PLCH1: variants seen among roughly 807,000 people sequenced by gnomAD.
The protein encoded by PLCH1 is phospholipase C eta 1.
In PLCH1, 60 loss-of-function variants were observed where a neutral mutation model predicts 126.7. The observed-to-expected ratio is 0.47, with a 90% CI of 0.38 to 0.59. The LOEUF (loss-of-function observed/expected upper bound fraction) is 0.59, where lower values mean the gene tolerates loss of function less well. Ranked by LOEUF, PLCH1 falls within the 20% of genes least tolerant of loss-of-function variation. The pLI, the probability that PLCH1 is intolerant of heterozygous loss-of-function variation, is 0.00. For synonymous variants in PLCH1, 719 were observed against 734.9 expected (o/e 0.98, Z 0.35); for missense variants, 1,723 against 2,040.0 (o/e 0.84, Z 2.99).
At chr3:155,723,384 C>A (rs747418146) in intron 1 of PLCH1, among the ~76,000 whole-genome samples, 10 of 152,030 alleles carry the variant, frequency 6.6e-5, no homozygotes, top group Non-Finnish European at 1.5e-4. Flanking sequence ...GTTTCATTTA[C>A]CTTTTTTATT....
chr3:155,459,783 C>A (rs1712641640), intron 21 of PLCH1, among the ~76,000 whole-genome samples: 1 of 152,146 alleles, frequency 6.6e-6, no homozygotes, highest in South Asian at 2.1e-4. Context: ...CCATAATGAG[C>A]AGCATGGCCA....
chr3:155,546,496 T>G (rs1160153276), intron 10 of PLCH1, among the ~76,000 whole-genome samples: 5 of 152,094 alleles, frequency 3.3e-5, no homozygotes, highest in Non-Finnish European at 5.9e-5. Context: ...GCCATCCCCA[T>G]CAAGCTACCA....
chr3:155,693,398 G>C (rs1311887919), intron 2 of PLCH1, among the ~76,000 whole-genome samples: 1 of 35,958 alleles, frequency 2.8e-5, no homozygotes, highest in Non-Finnish European at 4.2e-5. Context: ...CCGGGAAGCG[G>C]AGCTTGCAGT....
intron 2 of PLCH1, among the ~76,000 whole-genome samples, chr3:155,697,092 G>A (rs1745880362): frequency 6.6e-6 from 1 of 152,166 alleles, no homozygotes; most frequent in Non-Finnish European, 1.5e-5. Context: ...AGTGGGTTCA[G>A]TTACTCAGAA....
At chr3:155,492,494 G>A (rs778013863) in intron 18 of PLCH1, among the ~76,000 whole-genome samples, 5 of 152,162 alleles carry the variant, frequency 3.3e-5, no homozygotes, top group Admixed American at 6.5e-5. Context: ...CAATGCTAGT[G>A]TCAACCTTAA....
rs138484759 is a variant in PLCH1, at chr3:155,732,652, C to T, written c.-41+12188G>A. ...TAGCACTTTGGGAAGCTGAGGCAGG[C>T]GAATCACCCGAGGTCAGGAGTTTGA... On this transcript the variant is annotated intron_variant, in intron 1 of 22. Transcript: ENST00000460012. 5.8e-3 allele frequency among the ~76,000 whole-genome samples: 877 copies of T among 151,646 alleles called. 3 individuals are homozygous for T. Among genetic ancestry groups the T allele is most frequent in the Middle Eastern group, 0.01 (3 of 292 alleles).
At chr3:155,687,264 C>G (rs914834485) in intron 2 of PLCH1, among the ~76,000 whole-genome samples, 1 of 152,052 alleles carries the variant, frequency 6.6e-6, no homozygotes, top group South Asian at 2.1e-4. Flanking sequence ...TTTTCTGCTT[C>G]AATAGTCCTC....
chr3:155,562,411 C>A (rs1486991259), intron 8 of PLCH1, among the ~76,000 whole-genome samples: 1 of 152,180 alleles, frequency 6.6e-6, no homozygotes, highest in Non-Finnish European at 1.5e-5. Context: ...ACTTCGCTTC[C>A]TTTCCTAGAA....
At chr3:155,582,117 T>C (rs550690523) in intron 6 of PLCH1, among the ~76,000 whole-genome samples, 1 of 131,084 alleles carries the variant, frequency 7.6e-6, no homozygotes, top group Non-Finnish European at 1.6e-5. Flanking sequence ...AGTCTCGCTC[T>C]GCCGCCCAGG....
chr3:155,636,871 T>C (rs1253038470), intron 2 of PLCH1, among the ~76,000 whole-genome samples: 1 of 152,004 alleles, frequency 6.6e-6, no homozygotes, highest in African/African-American at 2.4e-5. Flanking sequence ...TTGAAAAAAA[T>C]TAGAAAACTT....
At chr3:155,594,929 G>A (rs760956887) in intron 3 of PLCH1, among the ~76,000 whole-genome samples, 1 of 152,220 alleles carries the variant, frequency 6.6e-6, no homozygotes, top group African/African-American at 2.4e-5. Flanking sequence ...AAAGGAAAAA[G>A]AATTTCTGAC....
At chr3:155,496,613 C>G (rs1235002530) in intron 15 of PLCH1, among the ~76,000 whole-genome samples, 2 of 152,068 alleles carry the variant, frequency 1.3e-5, no homozygotes, top group Non-Finnish European at 2.9e-5. Context: ...TTTGGAGGTC[C>G]TGATTTACAT....
rs144809004 is a variant in PLCH1, at chr3:155,564,989, C to G, written c.995G>C (p.Gly332Ala). The G allele has an allele frequency of 1.1e-5, 17 of 1,613,730 alleles. No individual in the cohort carries two copies. The African/African-American group carries it at 2.0e-4, about 19-fold the overall frequency. ...TTTGGACTGAGAAAGGAGCTGGTCT[C>G]CAGTCAGGTATGTATTGTGAGAGGA... ...IASSHNTYLT[G>A]DQLLSQSKVD... is the part of the protein sequence containing the mutation. Residue 332 changes from glycine (G) to alanine (A), a missense_variant, in exon 8 of 23, where the codon GGA (glycine) becomes GCA (alanine). Gly to Ala is a moderately conservative substitution (Grantham distance 60, BLOSUM62 0). Coordinates refer to ENST00000460012, the MANE Select transcript of PLCH1 (RefSeq NM_014996.4).
At position 155,739,691 on chromosome 3, in the gene PLCH1, G is replaced by A. The variant is rs1474375266; in HGVS notation, c.-41+5149C>T. On this transcript the variant is annotated intron_variant, in intron 1 of 22. Transcript: ENST00000460012. ...ACCACTGCATTCCTGAGTAGTAATA[G>A]GATGTAACAGAACATGGAGGCAGAC... Among the ~76,000 whole-genome samples the A allele has an allele frequency of 2.0e-5, 3 of 152,196 alleles. No homozygotes were observed. In the South Asian group the frequency reaches 6.2e-4, roughly 32 times the overall value.
At chr3:155,474,405 A>G (rs1393669570) in intron 21 of PLCH1, among the ~76,000 whole-genome samples, 1 of 150,052 alleles carries the variant, frequency 6.7e-6, no homozygotes, top group Non-Finnish European at 1.5e-5. Context: ...TAGAATGGCA[A>G]TCATTAGAAA....
intron 1 of PLCH1, among the ~76,000 whole-genome samples, chr3:155,728,261 G>A (rs979361114): frequency 3.3e-5 from 5 of 152,168 alleles, no homozygotes; most frequent in Non-Finnish European, 5.9e-5. Context: ...CAGAGCCACA[G>A]ATCCATGCAG....
chr3:155,624,017 C>G (rs1736894813), intron 2 of PLCH1, among the ~76,000 whole-genome samples: 1 of 152,176 alleles, frequency 6.6e-6, no homozygotes, highest in Admixed American at 6.5e-5. Flanking sequence ...TACTGGCAAA[C>G]CGAATCCAAC....
chr3:155,654,033 C>A (rs1269673410), intron 2 of PLCH1, among the ~76,000 whole-genome samples: 1 of 150,450 alleles, frequency 6.6e-6, no homozygotes, highest in Non-Finnish European at 1.5e-5. Flanking sequence ...TCCACCTCTC[C>A]ACTGAAACCA....
intron 10 of PLCH1, among the ~76,000 whole-genome samples, chr3:155,548,492 A>T (rs983447649): frequency 3.3e-5 from 5 of 152,242 alleles, no homozygotes; most frequent in South Asian, 4.1e-4. Context: ...AGTTATGCAA[A>T]GGAGACTCAA....
Sources: gnomAD v4.1 joint callset for allele counts (sites outside exome capture counted in the v4.1 genomes callset) on GRCh38, gnomAD v4.1.1 for gene constraint, MANE v1.5 for transcripts, NCBI Gene and HGNC (gene_info 2026-07-23, HGNC 2026-07-21) for gene names.